Variants in CCDC88C observed in about 807,000 individuals in gnomAD.
CCDC88C encodes the protein coiled-coil and HOOK domain protein 88C.
A neutral mutation model predicts 198.8 loss-of-function variants in CCDC88C; 131 were observed. That is an observed-to-expected ratio of 0.66 (90% CI 0.57 to 0.76). CCDC88C has a LOEUF of 0.76. Among genes scored for constraint, CCDC88C ranks in the 30% least tolerant of loss-of-function variants. CCDC88C has a pLI of 0.00. For synonymous variants in CCDC88C, 1,166 were observed against 1,114.7 expected, an observed-to-expected ratio of 1.05 and a Z score of -0.92; for missense variants, 2,553 against 2,631.6, an observed-to-expected ratio of 0.97 and a Z score of 0.65.
intron 10 of CCDC88C, among the ~76,000 whole-genome samples, chr14:91,327,923 C>T (rs550951789): frequency 6.6e-4 from 100 of 152,312 alleles, no homozygotes; most frequent in African/African-American, 2.4e-3. Context: ...AGGAGAAGTG[C>T]TTGAGAATTC....
At chr14:91,411,157 C>G (rs1398853957) in intron 2 of CCDC88C, among the ~76,000 whole-genome samples, 1 of 152,172 alleles carries the variant, frequency 6.6e-6, no homozygotes, top group Admixed American at 6.5e-5. Flanking sequence ...TATCAGGACA[C>G]TAATCAAAAC....
chr14:91,399,439 C>T (rs897895279), intron 3 of CCDC88C, among the ~76,000 whole-genome samples: 4 of 152,174 alleles, frequency 2.6e-5, no homozygotes, highest in South Asian at 2.1e-4. Context: ...TCTCTGCTGC[C>T]GTGGCCACAG....
chr14:91,295,698 G>A (rs1010241721), intron 22 of CCDC88C, among the ~76,000 whole-genome samples: 1 of 152,228 alleles, frequency 6.6e-6, no homozygotes, highest in African/African-American at 2.4e-5. Flanking sequence ...GGCGAGCACG[G>A]CTCCGAGCAC....
rs143201712 is a variant in CCDC88C at position 91,321,095 on chromosome 14, C to T, written c.1527+25G>A. 2.7e-4 allele frequency: 424 copies of T among 1,585,458 alleles called. 4 individuals carry two copies. The African/African-American group carries it at 4.5e-3, about 17-fold the overall frequency. ...GGTGCCCAAGGGTTCTGTGCTTCCC[C>T]GGTGGCCTAAGGAGGCCGAGGTACC... On this transcript the variant is annotated intron_variant, in intron 13 of 29. Transcript: ENST00000389857.
intron 3 of CCDC88C, among the ~76,000 whole-genome samples, chr14:91,367,146 T>A (rs565676435): frequency 7.9e-5 from 12 of 152,320 alleles, no homozygotes; most frequent in African/African-American, 2.9e-4. Context: ...GAAGGAAGAA[T>A]AAACGCTGCC....
At chr14:91,415,723 A>G (rs1887011927) in intron 2 of CCDC88C, among the ~76,000 whole-genome samples, 1 of 148,060 alleles carries the variant, frequency 6.8e-6, no homozygotes, top group South Asian at 2.1e-4. Flanking sequence ...TCCGTCTCCA[A>G]AAAAAAAAAA....
chr14:91,392,419 G>C (rs1258259515), intron 3 of CCDC88C, among the ~76,000 whole-genome samples: 1 of 152,118 alleles, frequency 6.6e-6, no homozygotes, highest in Non-Finnish European at 1.5e-5. Flanking sequence ...CTTAATTAGG[G>C]CTAGAGGAGG....
At chr14:91,405,432 G>T (rs1025567157) in intron 3 of CCDC88C, among the ~76,000 whole-genome samples, 2 of 152,196 alleles carry the variant, frequency 1.3e-5, no homozygotes, top group African/African-American at 4.8e-5. Context: ...CAAGCCCTCA[G>T]GACCTTCGGG....
chr14:91,345,191 T>G (rs1893489360), intron 4 of CCDC88C, among the ~76,000 whole-genome samples: 1 of 33,632 alleles, frequency 3.0e-5, no homozygotes, highest in Non-Finnish European at 5.6e-5. Context: ...TATATATATA[T>G]TTTTTTTTTT....
At chr14:91,385,410 G>A (rs1334637989) in intron 3 of CCDC88C, among the ~76,000 whole-genome samples, 1 of 151,158 alleles carries the variant, frequency 6.6e-6, no homozygotes, top group Non-Finnish European at 1.5e-5. Context: ...CGCATATTAC[G>A]AAGGTGGGAG....
intron 29 of CCDC88C, among the ~76,000 whole-genome samples, chr14:91,275,903 G>C (rs1472472749): frequency 1.0e-3 from 132 of 130,712 alleles, no homozygotes; most frequent in African/African-American, 3.8e-3. Context: ...CTCACTGCAA[G>C]CTCCGCCTCC....
chr14:91,317,737 G>A (rs1054081300), intron 13 of CCDC88C, among the ~76,000 whole-genome samples: 1 of 152,232 alleles, frequency 6.6e-6, no homozygotes, highest in Non-Finnish European at 1.5e-5. Flanking sequence ...ACCAGAGAGT[G>A]TGTGCCAAGA....
intron 2 of CCDC88C, among the ~76,000 whole-genome samples, chr14:91,412,526 C>T (rs559660353): frequency 1.0e-3 from 154 of 152,182 alleles, no homozygotes; most frequent in African/African-American, 3.3e-3. Context: ...GCTCTGCCTC[C>T]CGGGTTCATG....
intron 3 of CCDC88C, among the ~76,000 whole-genome samples, chr14:91,394,081 A>T (rs141739592): frequency 3.0e-4 from 45 of 152,334 alleles, no homozygotes; most frequent in African/African-American, 1.1e-3. Flanking sequence ...AAGGAGGCAA[A>T]AATTTTAGTC....
chr14:91,417,420 G>A (rs1887123373), intron 1 of CCDC88C: 2 of 572,308 alleles, frequency 3.5e-6, no homozygotes, highest in South Asian at 2.1e-5. Flanking sequence ...GCGGGGTCCC[G>A]CGCCGGACGC....
chr14:91,352,602 A>G lies in CCDC88C; in HGVS notation c.340+7040T>C, dbSNP rs1171001813. ...TTTTCTTATTTCTTCCCTCCCATTCAAACGCCCAAAACGTTTTGCAAATAT... is the reference window on the plus strand; with the variant it reads ...TTTTCTTATTTCTTCCCTCCCATTCGAACGCCCAAAACGTTTTGCAAATAT... On this transcript the variant is annotated intron_variant, in intron 4 of 29. Transcript: ENST00000389857. This position sits in a 1 kb window ranked among gnomAD's most constrained non-coding sequence, Gnocchi z 4.2. Among the ~76,000 whole-genome samples, 2 of 152,242 alleles carry G rather than the reference A, an allele frequency of 1.3e-5. No homozygotes were observed. The highest frequency in any genetic ancestry group is 1.3e-4 in the Admixed American group (2 of 15,290).
chr14:91,323,185 C>T (rs1363059444), intron 12 of CCDC88C, among the ~76,000 whole-genome samples: 1 of 152,166 alleles, frequency 6.6e-6, no homozygotes, highest in Non-Finnish European at 1.5e-5. Flanking sequence ...GGAATACAGG[C>T]ATGAGCCACT....
At chr14:91,400,077 C>A in intron 3 of CCDC88C, among the ~76,000 whole-genome samples, 1 of 152,064 alleles carries the variant, frequency 6.6e-6, no homozygotes, top group Non-Finnish European at 1.5e-5. Context: ...CCCTGCTCCC[C>A]AGGCCTGTGT....
intron 18 of CCDC88C, among the ~76,000 whole-genome samples, 186 bp downstream of exon 18, chr14:91,306,852 G>T (rs1891574468): frequency 6.6e-6 from 1 of 152,238 alleles, no homozygotes; most frequent in Non-Finnish European, 1.5e-5. Context: ...CCCCTGATGT[G>T]AGAATCACGG....
Sources: allele counts gnomAD v4.1 joint callset (sites outside exome capture counted in the v4.1 genomes callset), GRCh38; gene constraint gnomAD v4.1.1; non-coding constraint Gnocchi (gnomAD v3.1); transcripts MANE v1.5; gene names NCBI Gene and HGNC (gene_info 2026-07-23, HGNC 2026-07-21).